Variants in ELMO1 observed in about 807,000 individuals in gnomAD.
ELMO1 encodes the protein engulfment and cell motility protein 1.
A neutral mutation model predicts 98.9 loss-of-function variants in ELMO1; 26 were observed. The observed-to-expected ratio is 0.26, with a 90% confidence interval of 0.19 to 0.36. The LOEUF is 0.36. Among genes scored for constraint, ELMO1 ranks in the 10% least tolerant of loss-of-function variants. The probability of loss-of-function intolerance (pLI) is 1.00; values close to 1 mark genes in which losing one functional copy is unlikely to be tolerated. For synonymous variants in ELMO1, 346 were observed against 346.0 expected, an observed-to-expected ratio of 1.00 and a Z score of 0.00; for missense variants, 627 against 935.2, an observed-to-expected ratio of 0.67 and a Z score of 4.30.
chr7:36,937,083 T>C (rs555123391), intron 16 of ELMO1, among the ~76,000 whole-genome samples: 1 of 152,304 alleles, frequency 6.6e-6, no homozygotes, highest in South Asian at 2.1e-4. Flanking sequence ...GGGAAAGAAC[T>C]ATATTCAACA....
chr7:37,062,598 G>A (rs1796723893), intron 15 of ELMO1, among the ~76,000 whole-genome samples: 3 of 152,132 alleles, frequency 2.0e-5, no homozygotes, highest in Admixed American at 2.0e-4. Context: ...AAGGGAAAAG[G>A]AAATGAAAGT....
At chr7:37,297,886 C>T (rs1458645802) in intron 4 of ELMO1, among the ~76,000 whole-genome samples, 1 of 152,140 alleles carries the variant, frequency 6.6e-6, no homozygotes, top group Admixed American at 6.5e-5. Flanking sequence ...AGCTGTGAAA[C>T]AATGTGTATA....
intron 1 of ELMO1, among the ~76,000 whole-genome samples, chr7:37,429,993 G>C (rs1804865016): frequency 1.3e-5 from 2 of 152,220 alleles, no homozygotes; most frequent in Admixed American, 1.3e-4. Context: ...GAATGCAGCT[G>C]ACTGACCTAC....
At chr7:36,923,730 T>TTCTG (rs1641354419) in intron 16 of ELMO1, among the ~76,000 whole-genome samples, 3 of 152,176 alleles carry the variant, frequency 2.0e-5, no homozygotes, top group Admixed American at 1.3e-4. Flanking sequence ...GAAAGGAACA[T>TTCTG]AAATAATTCC....
intron 16 of ELMO1, among the ~76,000 whole-genome samples, chr7:36,976,276 T>C (rs1324284743): frequency 6.6e-6 from 1 of 152,248 alleles, no homozygotes; most frequent in East Asian, 1.9e-4. Context: ...TCAATTCTAC[T>C]CATACAGAAT....
At chr7:37,022,284 T>C (rs1019935439) in intron 15 of ELMO1, among the ~76,000 whole-genome samples, 1 of 152,116 alleles carries the variant, frequency 6.6e-6, no homozygotes, top group Non-Finnish European at 1.5e-5. Flanking sequence ...TGTCAAAATA[T>C]ACAATAAAAA....
At chr7:37,350,853 G>A (rs533444736) in intron 1 of ELMO1, among the ~76,000 whole-genome samples, 1 of 152,292 alleles carries the variant, frequency 6.6e-6, no homozygotes, top group East Asian at 1.9e-4. Flanking sequence ...GTACAGAGGG[G>A]AGACCACCTA....
At chr7:37,157,221 G>A (rs573854016) in intron 13 of ELMO1, among the ~76,000 whole-genome samples, 1 of 152,114 alleles carries the variant, frequency 6.6e-6, no homozygotes, top group Non-Finnish European at 1.5e-5. Context: ...ACTGAATGGG[G>A]AAAAACTGGA....
intron 4 of ELMO1, among the ~76,000 whole-genome samples, chr7:37,274,222 C>T (rs1196002935): frequency 6.6e-6 from 1 of 152,202 alleles, no homozygotes; most frequent in African/African-American, 2.4e-5. Context: ...TTCTATGACT[C>T]TGTGAGAAAT....
intron 6 of ELMO1, among the ~76,000 whole-genome samples, chr7:37,252,120 T>C (rs188022400): frequency 1.3e-5 from 2 of 152,318 alleles, no homozygotes; most frequent in Non-Finnish European, 2.9e-5. Context: ...TGCTCATGGA[T>C]AGAAAGAATC....
At chr7:37,078,563 T>A (rs116088693) in intron 15 of ELMO1, among the ~76,000 whole-genome samples, 1,592 of 152,330 alleles carry the variant, frequency 0.01, 30 homozygotes, top group African/African-American at 0.036. Context: ...GACTGCTCTG[T>A]GAAGTGCAAA....
chr7:37,163,971 C>T (rs1027007755), intron 13 of ELMO1, among the ~76,000 whole-genome samples: 4 of 152,202 alleles, frequency 2.6e-5, no homozygotes, highest in African/African-American at 9.6e-5. Context: ...AATAGTGTTC[C>T]TATTTCTCCA....
chr7:37,318,865 A>G (rs929947958), intron 2 of ELMO1, among the ~76,000 whole-genome samples: 6 of 152,092 alleles, frequency 3.9e-5, no homozygotes, highest in Non-Finnish European at 7.4e-5. Flanking sequence ...CTTATTTGAC[A>G]CTGTTACTAC....
intron 1 of ELMO1, among the ~76,000 whole-genome samples, chr7:37,419,051 C>A (rs979385520): frequency 1.3e-5 from 2 of 152,044 alleles, no homozygotes; most frequent in Non-Finnish European, 2.9e-5. Context: ...CAGGACTGAG[C>A]CCGCAGAGGA....
At chr7:37,313,933 C>T (rs1339532657) in intron 4 of ELMO1, among the ~76,000 whole-genome samples, 2 of 152,228 alleles carry the variant, frequency 1.3e-5, no homozygotes, top group Admixed American at 6.5e-5. Context: ...GTTACCAGGG[C>T]TGTTCCTTCC....
intron 1 of ELMO1, among the ~76,000 whole-genome samples, chr7:37,427,040 A>G (rs10280643): frequency 0.43 from 65,747 of 151,810 alleles, 15,245 homozygotes; most frequent in Non-Finnish European, 0.53. Context: ...AAAAATCACA[A>G]ACTAACCTTT....
chr7:36,948,371 A>T (rs751670773), intron 16 of ELMO1, among the ~76,000 whole-genome samples: 3 of 152,182 alleles, frequency 2.0e-5, no homozygotes, highest in Non-Finnish European at 4.4e-5. Context: ...TAAGGAGAAG[A>T]TTTCACATTG....
intron 13 of ELMO1, among the ~76,000 whole-genome samples, chr7:37,193,882 T>C (rs1056801484): frequency 2.6e-5 from 4 of 152,212 alleles, no homozygotes; most frequent in Non-Finnish European, 4.4e-5. Context: ...CATGTGACTC[T>C]AGTACACACT....
chr7:36,857,432 C>T (rs1802287870), intron 21 of ELMO1, among the ~76,000 whole-genome samples: 1 of 152,132 alleles, frequency 6.6e-6, no homozygotes, highest in Non-Finnish European at 1.5e-5. Flanking sequence ...TCAAAGGCCC[C>T]TTCCAGCTTT....
Sources: allele counts gnomAD v4.1 joint callset (sites outside exome capture counted in the v4.1 genomes callset), GRCh38; gene constraint gnomAD v4.1.1; transcripts MANE v1.5; gene names NCBI Gene and HGNC (gene_info 2026-07-23, HGNC 2026-07-21).